PRKN: variants seen among roughly 807,000 people sequenced by gnomAD.
PRKN encodes the protein E3 ubiquitin-protein ligase parkin.
A neutral mutation model predicts 59.5 loss-of-function variants in PRKN; 56 were observed. That is an observed-to-expected ratio of 0.94 (90% confidence interval 0.76 to 1.18). The LOEUF (loss-of-function observed/expected upper bound fraction) is 1.18, where lower values mean the gene tolerates loss of function less well. PRKN is among the 50% of genes most tolerant of loss of function. PRKN has a pLI of 0.00. For missense variants in PRKN, 657 were observed against 596.4 expected (o/e 1.10, Z -1.06); for synonymous variants, 250 against 222.1 (o/e 1.13, Z -1.12).
At chr6:161,697,545 T>C (rs1387454462) in intron 7 of PRKN, among the ~76,000 whole-genome samples, 1 of 152,182 alleles carries the variant, frequency 6.6e-6, no homozygotes, top group East Asian at 1.9e-4. Context: ...CTCAACGTTC[T>C]TTATCTTTGT....
intron 2 of PRKN, among the ~76,000 whole-genome samples, chr6:162,437,566 G>A (rs545575699): frequency 8.9e-4 from 136 of 152,066 alleles, no homozygotes; most frequent in Non-Finnish European, 1.8e-3. Context: ...TTTCACAGTC[G>A]TACCCTCCTC....
At chr6:161,919,828 AT>A (rs1402906883) in intron 6 of PRKN, among the ~76,000 whole-genome samples, 1 of 152,234 alleles carries the variant, frequency 6.6e-6, no homozygotes, top group African/African-American at 2.4e-5. Context: ...TTTGTAAGTG[AT>A]GACAGGGACA....
intron 6 of PRKN, among the ~76,000 whole-genome samples, chr6:161,841,112 T>C (rs1312478410): frequency 2.0e-5 from 3 of 152,198 alleles, no homozygotes; most frequent in African/African-American, 7.2e-5. Flanking sequence ...CAAAGACACA[T>C]GCATATGTTT....
Position 161,576,395 on chromosome 6 carries a change from C to T in PRKN, c.872-6979G>A, listed in dbSNP as rs1218077236. On this transcript the variant is annotated intron_variant, in intron 7 of 11. Transcript: ENST00000366898. The surrounding 1 kb of genome is among the most constrained non-coding windows in gnomAD (Gnocchi z 4.6). ...CTAATAATGTACTTACAGGTATACA[C>T]ACGGGAGAGTAACTTACATGGTTAC... 1.3e-5 allele frequency among the ~76,000 whole-genome samples: 2 copies of T among 152,124 alleles called. No homozygotes were observed. Among genetic ancestry groups the T allele is most frequent in the Non-Finnish European group, 2.9e-5 (2 of 68,032 alleles).
chr6:161,784,343 G>A (rs765005712), intron 7 of PRKN, among the ~76,000 whole-genome samples: 2 of 152,166 alleles, frequency 1.3e-5, no homozygotes, highest in Non-Finnish European at 2.9e-5. Flanking sequence ...ACGTTATGAA[G>A]AAAGTGAAAA....
intron 7 of PRKN, among the ~76,000 whole-genome samples, chr6:161,570,210 T>G (rs1276986632): frequency 2.8e-5 from 4 of 143,464 alleles, no homozygotes; most frequent in South Asian, 2.1e-4. Context: ...GTATAAAATA[T>G]TATATAATTA....
At position 161,462,240 on chromosome 6, in the gene PRKN, T is replaced by C. The variant is rs1583100628; in HGVS notation, c.1084-75363A>G. 6.6e-6 allele frequency among the ~76,000 whole-genome samples: 1 copy of C among 152,336 alleles called. No homozygotes were observed. The highest frequency in any genetic ancestry group is 1.9e-4 in the East Asian group (1 of 5,174). ...CCATCTAGAGAGATCAGATCAAAAGTGAGCCTGAATCATTTACATCTAACA... is the reference window on the plus strand; with the variant it reads ...CCATCTAGAGAGATCAGATCAAAAGCGAGCCTGAATCATTTACATCTAACA... On this transcript the variant is annotated intron_variant, in intron 9 of 11. Coordinates refer to ENST00000366898, the MANE Select transcript of PRKN (RefSeq NM_004562.3). This position sits in a 1 kb window ranked among gnomAD's most constrained non-coding sequence, Gnocchi z 4.5.
rs1470979131 is a variant in PRKN at position 161,497,513 on chromosome 6, G to A, written c.1083+51341C>T. Among the ~76,000 whole-genome samples the A allele has an allele frequency of 6.6e-6, 1 of 151,408 alleles. No individual in the cohort carries two copies. Among genetic ancestry groups the A allele is most frequent in the Non-Finnish European group, 1.5e-5 (1 of 67,920 alleles). ...TGTATTCCCATTGAAAAGAGTCAAGGGTACAATTCTCAAGTCTGTGTGTGT... is the reference window on the plus strand; with the variant it reads ...TGTATTCCCATTGAAAAGAGTCAAGAGTACAATTCTCAAGTCTGTGTGTGT... On this transcript the variant is annotated intron_variant, in intron 9 of 11. Transcript: ENST00000366898. This position sits in a 1 kb window ranked among gnomAD's most constrained non-coding sequence, Gnocchi z 4.6.
At chr6:162,351,964 A>G (rs569602448) in intron 2 of PRKN, among the ~76,000 whole-genome samples, 1 of 152,256 alleles carries the variant, frequency 6.6e-6, no homozygotes, top group African/African-American at 2.4e-5. Flanking sequence ...TTAACATTAA[A>G]TGCCAAAGGT....
intron 5 of PRKN, among the ~76,000 whole-genome samples, chr6:162,043,707 T>C (rs1047423976): frequency 2.0e-5 from 3 of 152,186 alleles, no homozygotes; most frequent in African/African-American, 7.2e-5. Flanking sequence ...TCCCCTCTAA[T>C]ATTTTGAAAA....
Position 161,410,632 on chromosome 6 carries a change from G to A in PRKN, c.1084-23755C>T, listed in dbSNP as rs865982021. ...CATTCTGGTGCTCATCGTGGGCCAT[G>A]CGTTGGTTACAAGGAAGCAGATGGA... On this transcript the variant is annotated intron_variant, in intron 9 of 11. Coordinates refer to ENST00000366898, the MANE Select transcript of PRKN (RefSeq NM_004562.3). This position sits in a 1 kb window ranked among gnomAD's most constrained non-coding sequence, Gnocchi z 5.3. 1.1e-4 allele frequency among the ~76,000 whole-genome samples: 16 copies of A among 152,252 alleles called. 1 individual carries two copies. Among genetic ancestry groups the A allele is most frequent in the Admixed American group, 4.6e-4 (7 of 15,302 alleles).
intron 1 of PRKN, among the ~76,000 whole-genome samples, chr6:162,722,711 T>C (rs1209858676): frequency 6.6e-6 from 1 of 152,188 alleles, no homozygotes; most frequent in Non-Finnish European, 1.5e-5. Context: ...AAAGAAACTT[T>C]GGAGGTAGGA....
At chr6:162,708,711 C>T (rs145205601) in intron 1 of PRKN, among the ~76,000 whole-genome samples, 5 of 152,318 alleles carry the variant, frequency 3.3e-5, no homozygotes, top group Admixed American at 3.3e-4. Flanking sequence ...ATTCCAGGCA[C>T]CTTCAGAAAT....
chr6:162,675,086 T>G (rs944136961), intron 1 of PRKN, among the ~76,000 whole-genome samples: 1 of 151,988 alleles, frequency 6.6e-6, no homozygotes, highest in Non-Finnish European at 1.5e-5. Flanking sequence ...CTGGCTCTGT[T>G]GCCCGGCTGG....
intron 1 of PRKN, among the ~76,000 whole-genome samples, chr6:162,526,586 G>C (rs551253946): frequency 6.6e-6 from 1 of 151,590 alleles, no homozygotes; most frequent in East Asian, 1.9e-4. Flanking sequence ...GGAGGCGGAG[G>C]TTGCAGTGAG....
chr6:162,589,627 C>T (rs1198495272), intron 1 of PRKN, among the ~76,000 whole-genome samples: 1 of 152,000 alleles, frequency 6.6e-6, no homozygotes, highest in Non-Finnish European at 1.5e-5. Context: ...CATGGTGTAA[C>T]CGAATAATAA....
chr6:161,915,746 C>T (rs1583341519), intron 6 of PRKN, among the ~76,000 whole-genome samples: 2 of 152,188 alleles, frequency 1.3e-5, no homozygotes, highest in Non-Finnish European at 2.9e-5. Context: ...TTAGCATTCT[C>T]ATTTGGAAAA....
intron 1 of PRKN, among the ~76,000 whole-genome samples, chr6:162,511,568 A>G (rs1422059510): frequency 1.3e-5 from 2 of 152,206 alleles, no homozygotes; most frequent in African/African-American, 4.8e-5. Flanking sequence ...GGAAATCAGA[A>G]TCTAAGCCAT....
intron 3 of PRKN, among the ~76,000 whole-genome samples, chr6:162,229,619 T>C (rs142960052): frequency 9.5e-4 from 144 of 152,304 alleles, no homozygotes; most frequent in African/African-American, 3.4e-3. Flanking sequence ...CACCAGTTCA[T>C]TCCCAGATCC....
Sources: gnomAD v4.1 joint callset for allele counts (sites outside exome capture counted in the v4.1 genomes callset) on GRCh38, gnomAD v4.1.1 for gene constraint, Gnocchi (gnomAD v3.1) non-coding constraint, MANE v1.5 for transcripts, NCBI Gene and HGNC (gene_info 2026-07-23, HGNC 2026-07-21) for gene names.